CACNB2: variants seen among roughly 807,000 people sequenced by gnomAD.
CACNB2 encodes the protein voltage-dependent L-type calcium channel subunit beta-2.
In CACNB2, 42 loss-of-function variants were observed where a neutral mutation model predicts 73.3. The observed-to-expected ratio is 0.57, with a 90% CI of 0.45 to 0.74. CACNB2 has a LOEUF of 0.74. Ranked by LOEUF, CACNB2 falls within the 30% of genes least tolerant of loss-of-function variation. The pLI, the probability that CACNB2 is intolerant of heterozygous loss-of-function variation, is 0.00. For missense variants in CACNB2, 940 were observed against 853.0 expected, an observed-to-expected ratio of 1.10 and a Z score of -1.27; for synonymous variants, 348 against 310.3, an observed-to-expected ratio of 1.12 and a Z score of -1.28.
At chr10:18,291,334 A>G (rs953529862) in intron 2 of CACNB2, among the ~76,000 whole-genome samples, 1 of 152,222 alleles carries the variant, frequency 6.6e-6, no homozygotes, top group Non-Finnish European at 1.5e-5. Context: ...GCTTCTTATT[A>G]AAGCTTGGAG....
chr10:18,481,224 ATATATATTTTTTTTTTTTTTTTTT>A (rs1423840826), intron 3 of CACNB2, among the ~76,000 whole-genome samples: 11 of 13,392 alleles, frequency 8.2e-4, no homozygotes, highest in Admixed American at 2.5e-3. Flanking sequence ...ATATATATAT[ATATATATTTTTTTTTTTTTTTTTT>A]TTTTTTTTTT....
At chr10:18,284,220 T>C (rs2038687822) in intron 2 of CACNB2, among the ~76,000 whole-genome samples, 1 of 152,140 alleles carries the variant, frequency 6.6e-6, no homozygotes, top group Non-Finnish European at 1.5e-5. Flanking sequence ...AAGAGATAAC[T>C]TGTGCAGGGA....
At chr10:18,382,976 C>G (rs911179605) in intron 2 of CACNB2, among the ~76,000 whole-genome samples, 1 of 152,124 alleles carries the variant, frequency 6.6e-6, no homozygotes, top group African/African-American at 2.4e-5. Flanking sequence ...AGCTTGGTGT[C>G]TCTTCTGTGT....
At chr10:18,300,214 G>T (rs2039453133) in intron 2 of CACNB2, among the ~76,000 whole-genome samples, 1 of 151,960 alleles carries the variant, frequency 6.6e-6, no homozygotes, top group South Asian at 2.1e-4. Flanking sequence ...TAGAGATGAG[G>T]TTTCACTCTA....
intron 2 of CACNB2, among the ~76,000 whole-genome samples, chr10:18,367,430 TA>T (rs1337687137): frequency 8.5e-5 from 13 of 152,190 alleles, no homozygotes; most frequent in Non-Finnish European, 1.2e-4. Flanking sequence ...CATTCTTTTT[TA>T]AAAAACTTGA....
rs189686193 is a variant in CACNB2, at chr10:18,370,856, C to T, written c.214-31068C>T. 2.6e-5 allele frequency among the ~76,000 whole-genome samples: 4 copies of T among 152,288 alleles called. No individual in the cohort carries two copies. In the East Asian group the frequency reaches 7.7e-4, roughly 29 times the overall value. ...AGGCACATATTTGTATAGATACACA[C>T]ATATGTGTATATATTTCAACATCTA... On this transcript the variant is annotated intron_variant, in intron 2 of 13. Transcript: ENST00000324631.
chr10:18,405,698 C>T (rs993040848), intron 3 of CACNB2, among the ~76,000 whole-genome samples: 2 of 152,166 alleles, frequency 1.3e-5, no homozygotes, highest in Admixed American at 6.5e-5. Context: ...TGGCTCATGC[C>T]TGTAATCCCA....
At chr10:18,296,409 C>T (rs765477626) in intron 2 of CACNB2, among the ~76,000 whole-genome samples, 48 of 152,062 alleles carry the variant, frequency 3.2e-4, no homozygotes, top group Non-Finnish European at 4.6e-4. Context: ...TATTTACTTA[C>T]GCTCACAGCC....
At chr10:18,327,098 A>G (rs1267714058) in intron 2 of CACNB2, among the ~76,000 whole-genome samples, 3 of 152,028 alleles carry the variant, frequency 2.0e-5, no homozygotes, top group East Asian at 1.9e-4. Context: ...TCAAATTTCC[A>G]TGATATTAAA....
intron 2 of CACNB2, among the ~76,000 whole-genome samples, chr10:18,233,929 T>C (rs926579690): frequency 6.6e-6 from 1 of 152,178 alleles, no homozygotes; most frequent in African/African-American, 2.4e-5. Context: ...CCCTCAAATC[T>C]CCAGTATGTT....
At chr10:18,226,567 T>C (rs902343717) in intron 2 of CACNB2, among the ~76,000 whole-genome samples, 1 of 152,180 alleles carries the variant, frequency 6.6e-6, no homozygotes, top group Non-Finnish European at 1.5e-5. Flanking sequence ...TAAAACCTGA[T>C]CTTCCTGTTT....
At chr10:18,455,085 T>G (rs2132636255) in intron 3 of CACNB2, among the ~76,000 whole-genome samples, 1 of 148,696 alleles carries the variant, frequency 6.7e-6, no homozygotes, top group South Asian at 2.1e-4. Context: ...ACGTGAAAAG[T>G]CAACACCAAA....
chr10:18,146,580 C>T (rs145329779), intron 1 of CACNB2, among the ~76,000 whole-genome samples: 142 of 151,996 alleles, frequency 9.3e-4, no homozygotes, highest in African/African-American at 3.2e-3. Context: ...TGGGTTCAGG[C>T]GATTCTCCTG....
intron 2 of CACNB2, among the ~76,000 whole-genome samples, chr10:18,361,174 C>T (rs1216384612): frequency 6.6e-6 from 1 of 151,858 alleles, no homozygotes; most frequent in Admixed American, 6.6e-5. Context: ...CTCTACTTCC[C>T]GGGCTCATCC....
chr10:18,399,707 CACTT>C (rs1210970369), intron 2 of CACNB2, among the ~76,000 whole-genome samples: 1 of 151,686 alleles, frequency 6.6e-6, no homozygotes, highest in African/African-American at 2.4e-5. Context: ...TTCTTAAGAA[CACTT>C]TTTTTTTTCA....
At chr10:18,337,048 G>A (rs540027122) in intron 2 of CACNB2, among the ~76,000 whole-genome samples, 2 of 152,128 alleles carry the variant, frequency 1.3e-5, no homozygotes, top group East Asian at 1.9e-4. Flanking sequence ...TTTAACAGTG[G>A]AATCTTTACT....
chr10:18,355,507 C>T (rs189957682), intron 2 of CACNB2, among the ~76,000 whole-genome samples: 176 of 152,018 alleles, frequency 1.2e-3, no homozygotes, highest in Non-Finnish European at 2.0e-3. Context: ...ATAAATGTGG[C>T]CTTTATTTAA....
At chr10:18,480,005 G>C (rs2048640779) in intron 3 of CACNB2, among the ~76,000 whole-genome samples, 1 of 152,152 alleles carries the variant, frequency 6.6e-6, no homozygotes, top group East Asian at 1.9e-4. Flanking sequence ...GGCTTTGAGT[G>C]ACTCTGGGCT....
intron 9 of CACNB2, among the ~76,000 whole-genome samples, chr10:18,520,838 G>A (rs1165748006): frequency 2.0e-5 from 3 of 152,236 alleles, no homozygotes; most frequent in South Asian, 2.1e-4. Context: ...CTTGGTATAC[G>A]TGTGTACATG....
Sources: allele counts gnomAD v4.1 joint callset (sites outside exome capture counted in the v4.1 genomes callset), GRCh38; gene constraint gnomAD v4.1.1; transcripts MANE v1.5; gene names NCBI Gene and HGNC (gene_info 2026-07-23, HGNC 2026-07-21).